ABLIM1: variants seen among roughly 807,000 people sequenced by gnomAD.
The protein encoded by ABLIM1 is actin binding LIM protein 1.
ABLIM1 carries 40 observed loss-of-function variants against 107.0 expected under a neutral mutation model. The ratio of observed to expected loss-of-function variants is 0.37; its 90% CI spans 0.29 to 0.49. The LOEUF is 0.49. Among genes scored for constraint, ABLIM1 ranks in the 20% least tolerant of loss-of-function variants. The probability of loss-of-function intolerance (pLI) is 0.97; values close to 1 mark genes in which losing one functional copy is unlikely to be tolerated. For missense variants in ABLIM1, 857 were observed against 1,008.5 expected, an observed-to-expected ratio of 0.85 and a Z score of 2.04; for synonymous variants, 357 against 357.3, an observed-to-expected ratio of 1.00 and a Z score of 0.01.
chr10:114,441,066 G>A lies in ABLIM1; in HGVS notation c.2010C>T (p.Thr670=), dbSNP rs749309188. 8.8e-6 allele frequency: 14 copies of A among 1,583,264 alleles called. No homozygotes were observed. Among genetic ancestry groups the A allele is most frequent in the East Asian group, 2.3e-5 (1 of 44,036 alleles). ...CATAGCTGTTATACTGAGCGAAGTC[G>A]GTAGAAACAGGCTGAAATGAGGAAA... The part of the protein sequence containing the change: ...GRNGLHRPVS[T]DFAQYNSYGD... The change falls in exon 19 of 23, where the codon ACC becomes ACT. Residue 670 remains threonine, a synonymous_variant. Transcript: ENST00000533213.
chr10:114,559,186 C>G (rs2069244871), intron 4 of ABLIM1, among the ~76,000 whole-genome samples: 1 of 152,078 alleles, frequency 6.6e-6, no homozygotes. Flanking sequence ...GAAGGGTTCT[C>G]TTTCGCCTGA....
At chr10:114,729,027 GGTACT>G (rs1488650452) in intron 1 of ABLIM1, among the ~76,000 whole-genome samples, 2 of 152,080 alleles carry the variant, frequency 1.3e-5, no homozygotes, top group African/African-American at 2.4e-5. Context: ...CACCTTTCTA[GGTACT>G]GCAACAGTAA....
chr10:114,714,802 G>A (rs1218194770), intron 1 of ABLIM1, among the ~76,000 whole-genome samples: 2 of 152,174 alleles, frequency 1.3e-5, no homozygotes, highest in African/African-American at 4.8e-5. Context: ...TGCAGTTGCT[G>A]TAACAAGAAG....
intron 1 of ABLIM1, among the ~76,000 whole-genome samples, chr10:114,654,025 C>A (rs2079377323): frequency 6.6e-6 from 1 of 152,266 alleles, no homozygotes. Context: ...ATCGTGAGAT[C>A]TTTCTGGCAG....
intron 1 of ABLIM1, among the ~76,000 whole-genome samples, chr10:114,730,808 G>A (rs1240948335): frequency 6.6e-6 from 1 of 152,044 alleles, no homozygotes; most frequent in African/African-American, 2.4e-5. Flanking sequence ...TCCATTTGCA[G>A]TCACTCCTCA....
At chr10:114,695,326 A>G (rs73371868) in intron 1 of ABLIM1, among the ~76,000 whole-genome samples, 3,747 of 152,290 alleles carry the variant, frequency 0.025, 143 homozygotes, top group African/African-American at 0.085. Context: ...AGGAATCAAC[A>G]TAAGGTGCTC....
intron 8 of ABLIM1, among the ~76,000 whole-genome samples, 175 bp from the exon 9 acceptor site, chr10:114,474,131 G>T (rs144027543): frequency 3.9e-4 from 60 of 152,254 alleles, no homozygotes; most frequent in African/African-American, 1.3e-3. Flanking sequence ...CTAGTTGTAC[G>T]ATCCAGTTTT....
chr10:114,607,662 A>AAACAC (rs1394803084), intron 1 of ABLIM1, among the ~76,000 whole-genome samples: 1 of 152,206 alleles, frequency 6.6e-6, no homozygotes, highest in Non-Finnish European at 1.5e-5. Context: ...AAACAAAACA[A>AAACAC]AACCCATAAT....
At chr10:114,602,090 T>C in intron 1 of ABLIM1, 129 bp from the exon 2 acceptor site, 2 of 1,198,442 alleles carry the variant, frequency 1.7e-6, no homozygotes, top group Non-Finnish European at 2.4e-6. Flanking sequence ...AACAGAGCAG[T>C]CCCTCCAAGT....
At chr10:114,469,192 C>T (rs1324863547) in intron 10 of ABLIM1, among the ~76,000 whole-genome samples, 1 of 152,054 alleles carries the variant, frequency 6.6e-6, no homozygotes, top group East Asian at 1.9e-4. Context: ...ACAGCATCTA[C>T]TGAAACATAG....
chr10:114,643,053 C>T (rs569854763), intron 1 of ABLIM1, among the ~76,000 whole-genome samples: 2 of 152,272 alleles, frequency 1.3e-5, no homozygotes, highest in East Asian at 3.9e-4. Flanking sequence ...ACCGTGAACC[C>T]TTCTTGGGAA....
intron 1 of ABLIM1, among the ~76,000 whole-genome samples, chr10:114,644,306 A>AAAATATATATAT (rs1408072252): frequency 1.9e-5 from 1 of 52,248 alleles, no homozygotes; most frequent in Middle Eastern, 0.014. Flanking sequence ...AAAAAAAAAA[A>AAAATATATATAT]ATATATATAT....
At chr10:114,486,001 C>T (rs2058133932) in intron 8 of ABLIM1, among the ~76,000 whole-genome samples, 1 of 152,202 alleles carries the variant, frequency 6.6e-6, no homozygotes, top group Non-Finnish European at 1.5e-5. Flanking sequence ...TTTCCAAAGA[C>T]AGTGACCCAG....
chr10:114,687,873 T>C (rs1046949607), upstream of ABLIM1, among the ~76,000 whole-genome samples: 2 of 152,218 alleles, frequency 1.3e-5, no homozygotes, highest in Non-Finnish European at 2.9e-5. Flanking sequence ...TTCTAGACTT[T>C]ATCTAGAAAG....
At position 114,495,041 on chromosome 10, in the gene ABLIM1, G is replaced by A. The variant is rs536407545; in HGVS notation, c.895-3163C>T. ...CATCAACGAGGACACACATGTATAT[G>A]TATATTGATCTTATATGTGTGCCCT... On this transcript the variant is annotated intron_variant, in intron 6 of 22. Transcript: ENST00000533213. Among the ~76,000 whole-genome samples the A allele has an allele frequency of 3.9e-5, 6 of 152,282 alleles. No individual in the cohort carries two copies. In the South Asian group the frequency reaches 1.2e-3, roughly 32 times the overall value.
intron 4 of ABLIM1, among the ~76,000 whole-genome samples, chr10:114,550,319 A>G (rs1400709571): frequency 6.6e-6 from 1 of 152,222 alleles, no homozygotes; most frequent in Non-Finnish European, 1.5e-5. Context: ...CCACGATATT[A>G]GTTTAAAAAT....
intron 13 of ABLIM1, 71 bp from the exon 14 acceptor site, chr10:114,451,742 AG>A (rs2061947720): frequency 3.1e-6 from 4 of 1,296,210 alleles, no homozygotes; most frequent in Non-Finnish European, 4.3e-6. Flanking sequence ...AGATCAACCA[AG>A]GGGCAAATCA....
chr10:114,486,658 C>T (rs531064711), intron 8 of ABLIM1, among the ~76,000 whole-genome samples: 4 of 152,064 alleles, frequency 2.6e-5, no homozygotes, highest in South Asian at 2.1e-4. Context: ...GCTTGATGGG[C>T]GAATTCCTCT....
intron 8 of ABLIM1, among the ~76,000 whole-genome samples, chr10:114,483,124 G>T (rs2057631005): frequency 6.6e-6 from 1 of 152,170 alleles, no homozygotes; most frequent in South Asian, 2.1e-4. Context: ...ACAGAATGAA[G>T]ATTGTATGAA....
Sources: gnomAD v4.1 joint callset for allele counts (sites outside exome capture counted in the v4.1 genomes callset) on GRCh38, gnomAD v4.1.1 for gene constraint, MANE v1.5 for transcripts, NCBI Gene and HGNC (gene_info 2026-07-23, HGNC 2026-07-21) for gene names.